RBMS2: variants seen among roughly 807,000 people sequenced by gnomAD.
RBMS2 encodes the protein RNA-binding motif, single-stranded-interacting protein 2.
In RBMS2, 38 loss-of-function variants were observed where a neutral mutation model predicts 58.4. The observed-to-expected ratio is 0.65, with a 90% CI of 0.50 to 0.85. The LOEUF is 0.85. Among genes scored for constraint, RBMS2 ranks in the 40% least tolerant of loss-of-function variants. The pLI is 0.00. For missense variants in RBMS2, 367 were observed against 503.7 expected, an observed-to-expected ratio of 0.73 and a Z score of 2.60; for synonymous variants, 151 against 180.7, an observed-to-expected ratio of 0.84 and a Z score of 1.32.
chr12:56,541,409 T>A (rs547542889), intron 1 of RBMS2, among the ~76,000 whole-genome samples: 1 of 152,296 alleles, frequency 6.6e-6, no homozygotes, highest in African/African-American at 2.4e-5. Context: ...ATTTGCAAAC[T>A]GGTAGGGCTG....
chr12:56,562,367 C>A, intron 1 of RBMS2, 50 bp from the exon 2 acceptor site: 1 of 1,513,822 alleles, frequency 6.6e-7, no homozygotes, highest in South Asian at 1.2e-5. Context: ...CCTCACTCTC[C>A]AACATGTAAA....
At chr12:56,552,733 T>C (rs1449298960) in intron 1 of RBMS2, among the ~76,000 whole-genome samples, 1 of 151,726 alleles carries the variant, frequency 6.6e-6, no homozygotes, top group African/African-American at 2.4e-5. Context: ...TCCCAGCTAC[T>C]CGGGAGGCTG....
Position 56,571,789 on chromosome 12 carries a change from G to A in RBMS2, c.476G>A (p.Gly159Asp). The A allele has an allele frequency of 3.1e-6, 5 of 1,602,894 alleles. No individual in the cohort carries two copies. Among genetic ancestry groups the A allele is most frequent in the South Asian group, 1.1e-5 (1 of 89,632 alleles). The change falls in exon 5 of 14, where the codon GGC (glycine) becomes GAC (aspartate). Residue 159 changes from glycine (G) to aspartate (D), a missense_variant. By Grantham distance (94) the Gly-to-Asp change is moderately conservative. Coordinates refer to ENST00000262031, the MANE Select transcript of RBMS2 (RefSeq NM_002898.4). Reference protein sequence around the residue: ...QELEGMLKPFGQVISTRILRD... With the variant: ...QELEGMLKPFDQVISTRILRD... Reference sequence around the variant, plus strand: ...CTGGAGGGGATGCTGAAGCCCTTTGGCCAGGTTATCTCCACCCGTATCCTT... The same window carrying A: ...CTGGAGGGGATGCTGAAGCCCTTTGACCAGGTTATCTCCACCCGTATCCTT...
In RBMS2 at chr12:56,594,859, A is replaced by T. The variant is rs1171156180; in HGVS notation, c.*5726A>T. On this transcript the variant is annotated 3_prime_UTR_variant, in exon 14 of 14. Coordinates refer to ENST00000262031, the MANE Select transcript of RBMS2 (RefSeq NM_002898.4). ...CCTCACAATTCAACAACAGGTAAATACCTGGATTCACTGATTTCTTTACTG... is the reference window on the plus strand; with the variant it reads ...CCTCACAATTCAACAACAGGTAAATTCCTGGATTCACTGATTTCTTTACTG... 1 of 152,144 alleles carries T rather than the reference A, an allele frequency of 6.6e-6. No homozygotes were observed. Among genetic ancestry groups the T allele is most frequent in the African/African-American group, 2.4e-5 (1 of 41,426 alleles). The allele number at this position is 152,144 out of a possible 1,614,324, so 9.4% of individuals were successfully genotyped here.
Position 56,595,767 on chromosome 12 carries a change from T to C in RBMS2, c.*6634T>C, listed in dbSNP as rs1885725648. On this transcript the variant is annotated 3_prime_UTR_variant, in exon 14 of 14. Transcript: ENST00000262031. The stretch of plus-strand genomic sequence containing the variant: ...TTGCTCCAGCAACTCAGCCAGACAT[T>C]TAGGCAGGAGCACTAATGACCCTTT... 6.6e-6 allele frequency: 1 copy of C among 152,614 alleles called. No homozygotes were observed. The highest frequency in any genetic ancestry group is 2.4e-5 in the African/African-American group (1 of 41,422). 9.5% of individuals were successfully genotyped at this position (152,614 alleles called of 1,614,324 possible).
intron 6 of RBMS2, 39 bp from the exon 7 acceptor site, chr12:56,581,360 G>C (rs1486528078): frequency 6.2e-7 from 1 of 1,603,122 alleles, no homozygotes; most frequent in Non-Finnish European, 8.5e-7. Flanking sequence ...GGCCACATGA[G>C]GTGGGACTCA....
At chr12:56,529,273 C>A (rs1873253169) in intron 1 of RBMS2, among the ~76,000 whole-genome samples, 1 of 152,106 alleles carries the variant, frequency 6.6e-6, no homozygotes, top group Non-Finnish European at 1.5e-5. Context: ...GGGTACTAGG[C>A]TGAGTGTGGT....
chr12:56,544,869 T>G (rs1876866441), intron 1 of RBMS2, among the ~76,000 whole-genome samples: 2 of 151,160 alleles, frequency 1.3e-5, no homozygotes, highest in East Asian at 3.9e-4. Flanking sequence ...GTTAAGATTC[T>G]AGGCATGAGG....
At chr12:56,569,098 C>A in intron 3 of RBMS2, 65 bp downstream of exon 3, 1 of 1,413,888 alleles carries the variant, frequency 7.1e-7, no homozygotes, top group South Asian at 1.2e-5. Flanking sequence ...TTGACACTGC[C>A]CTTTACTGCT....
intron 4 of RBMS2, among the ~76,000 whole-genome samples, chr12:56,570,231 A>G (rs1434690776): frequency 6.6e-6 from 1 of 152,186 alleles, no homozygotes; most frequent in Non-Finnish European, 1.5e-5. Context: ...AAGAAAGGTA[A>G]GGTGGCCTCT....
intron 1 of RBMS2, among the ~76,000 whole-genome samples, chr12:56,533,477 G>A (rs1199656481): frequency 3.8e-5 from 5 of 130,518 alleles, no homozygotes; most frequent in South Asian, 2.7e-4. Flanking sequence ...GTGTAGTGGC[G>A]TGATCTCAAC....
chr12:56,570,846 G>A (rs1882179270), intron 4 of RBMS2, among the ~76,000 whole-genome samples: 1 of 152,130 alleles, frequency 6.6e-6, no homozygotes, highest in East Asian at 1.9e-4. Context: ...CAAAGTGCTG[G>A]GATTACAGGC....
chr12:56,536,141 A>G (rs1214298978), intron 1 of RBMS2, among the ~76,000 whole-genome samples: 1 of 144,626 alleles, frequency 6.9e-6, no homozygotes, highest in African/African-American at 2.6e-5. Context: ...TGGATTTTGC[A>G]GTGAGCTGAG....
In RBMS2 at chr12:56,595,298, AGGGT is replaced by A. The variant is rs1885651837; in HGVS notation, c.*6166_*6169del. 6.6e-6 allele frequency: 1 copy of A among 152,216 alleles called. No homozygotes were observed. Among genetic ancestry groups the A allele is most frequent in the Non-Finnish European group, 1.5e-5 (1 of 68,050 alleles). 9.4% of individuals were successfully genotyped at this position (152,216 alleles called of 1,614,324 possible). A position where few individuals can be genotyped will look rare whatever the true frequency, so the allele number is the denominator to read the frequency against. On this transcript the variant is annotated 3_prime_UTR_variant, in exon 14 of 14. Transcript: ENST00000262031. Reference sequence around the variant, plus strand: ...CACCAAGACAAAGTTTCCAGGCTGGAGGGTAATACATATCCAGCGCGAGTGAAGT... The same window carrying A: ...CACCAAGACAAAGTTTCCAGGCTGGAAATACATATCCAGCGCGAGTGAAGT...
chr12:56,531,239 A>G (rs1873666813), intron 1 of RBMS2, among the ~76,000 whole-genome samples: 1 of 151,924 alleles, frequency 6.6e-6, no homozygotes, highest in Non-Finnish European at 1.5e-5. Flanking sequence ...CTCCCCAAAT[A>G]CCTAATATAG....
chr12:56,586,256 C>T (rs555396341), intron 9 of RBMS2, among the ~76,000 whole-genome samples: 12 of 151,994 alleles, frequency 7.9e-5, no homozygotes, highest in African/African-American at 2.2e-4. Context: ...GGTGTGAACC[C>T]GGGAGGCGGA....
rs930682463 is a variant in RBMS2, at chr12:56,596,136, T to G, written c.*7003T>G. 1 of 152,712 alleles carries G rather than the reference T, an allele frequency of 6.5e-6. No individual in the cohort carries two copies. The highest frequency in any genetic ancestry group is 2.4e-5 in the African/African-American group (1 of 41,470). 9.5% of individuals were successfully genotyped at this position (152,712 alleles called of 1,614,324 possible). A position where few individuals can be genotyped will look rare whatever the true frequency, so the allele number is the denominator to read the frequency against. Reference sequence around the variant, plus strand: ...AAACTGTACATTATCAAAAAGTCACTAAAACACCACATTTGGTTATATAAA... The same window carrying G: ...AAACTGTACATTATCAAAAAGTCACGAAAACACCACATTTGGTTATATAAA... On this transcript the variant is annotated 3_prime_UTR_variant, in exon 14 of 14. Transcript: ENST00000262031.
chr12:56,577,456 AATTATTATT>A lies in RBMS2; in HGVS notation c.543-3700_543-3692del, dbSNP rs138810999. ...AAAATAAAATAAAATGTTCATACAA[AATTATTATT>A]ATTATTATTATTATTATTATTATTA... On this transcript the variant is annotated intron_variant, in intron 5 of 13. Transcript: ENST00000262031. 2.8e-4 allele frequency among the ~76,000 whole-genome samples: 41 copies of A among 145,724 alleles called. 2 individuals carry two copies. Among genetic ancestry groups the A allele is most frequent in the African/African-American group, 5.3e-4 (21 of 39,484 alleles).
chr12:56,589,615 G>A lies in RBMS2; in HGVS notation c.*482G>A, dbSNP rs1045787858. 3 of 172,180 alleles carry A rather than the reference G, an allele frequency of 1.7e-5. No individual in the cohort carries two copies. The East Asian group carries it at 5.2e-4, about 30-fold the overall frequency. 10.7% of individuals were successfully genotyped at this position (172,180 alleles called of 1,614,324 possible). A position where few individuals can be genotyped will look rare whatever the true frequency, so the allele number is the denominator to read the frequency against. On this transcript the variant is annotated 3_prime_UTR_variant, in exon 14 of 14. Transcript: ENST00000262031. ...TCGATGAAGGAGCCCTACTTACTGA[G>A]CTTAGTTATGGACTTTTTTGATGCA...
Sources: allele counts gnomAD v4.1 joint callset (sites outside exome capture counted in the v4.1 genomes callset), GRCh38; gene constraint gnomAD v4.1.1; transcripts MANE v1.5; gene names NCBI Gene and HGNC (gene_info 2026-07-23, HGNC 2026-07-21).